DIP2C: variants seen among roughly 807,000 people sequenced by gnomAD.
The protein encoded by DIP2C is disco-interacting protein 2 homolog C.
Under a neutral mutation model 192.4 loss-of-function variants are expected in DIP2C, and 33 were observed. The observed-to-expected ratio is 0.17, with a 90% confidence interval of 0.13 to 0.23. DIP2C has a LOEUF of 0.23. Ranked by LOEUF, DIP2C falls within the 10% of genes least tolerant of loss-of-function variation. DIP2C has a pLI of 1.00. For synonymous variants in DIP2C, 979 were observed against 864.1 expected (o/e 1.13, Z -2.33); for missense variants, 1,537 against 2,110.1 (o/e 0.73, Z 5.32).
At chr10:591,104 G>C (rs1220935403) in intron 1 of DIP2C, among the ~76,000 whole-genome samples, 1 of 150,640 alleles carries the variant, frequency 6.6e-6, no homozygotes, top group African/African-American at 2.5e-5. Context: ...ATAACAGTCA[G>C]GTTTCCATTA....
chr10:414,585 C>T (rs536469985), intron 7 of DIP2C, among the ~76,000 whole-genome samples: 1 of 151,808 alleles, frequency 6.6e-6, no homozygotes, highest in South Asian at 2.1e-4. Flanking sequence ...TCACAGTTCC[C>T]TGCAGCCTCG....
chr10:440,974 C>G lies in DIP2C; in HGVS notation c.291G>C (p.Gln97His). Residue 97 changes from glutamine (Q) to histidine (H), a missense_variant, in exon 4 of 37, where the codon CAG (glutamine) becomes CAC (histidine). By Grantham distance (24) the Gln-to-His change is conservative. This residue lies in a region of DIP2C where 473 missense variants were observed against 539.6 expected (regional missense o/e 0.88). Coordinates refer to ENST00000280886, the MANE Select transcript of DIP2C (RefSeq NM_014974.3). ...GCTCTTTGTGTTTGGCCAGAGCCGC[C>G]TGGACAGCTTCCGTGTGGACGTCTG... is the stretch of plus-strand genomic sequence containing the variant. ...YRSDVHTEAV[Q>H]AALAKHKERK... 2 of 1,613,568 alleles carry G rather than the reference C, an allele frequency of 1.2e-6. No individual in the cohort carries two copies. The highest frequency in any genetic ancestry group is 2.2e-5 in the South Asian group (2 of 91,056).
At chr10:389,464 A>G (rs944923078) in intron 13 of DIP2C, among the ~76,000 whole-genome samples, 1 of 152,180 alleles carries the variant, frequency 6.6e-6, no homozygotes, top group Non-Finnish European at 1.5e-5. Context: ...ACGAGCACCA[A>G]TGCAGAGACT....
chr10:288,615 G>A (rs1386551637), intron 32 of DIP2C, among the ~76,000 whole-genome samples, 194 bp from the exon 33 acceptor site: 1 of 152,252 alleles, frequency 6.6e-6, no homozygotes, highest in Non-Finnish European at 1.5e-5. Context: ...GGGCCACAGA[G>A]AAGGCAGATG....
At chr10:287,690 GTCTT>G (rs900311935) in intron 33 of DIP2C, among the ~76,000 whole-genome samples, 7 of 142,820 alleles carry the variant, frequency 4.9e-5, no homozygotes, top group Non-Finnish European at 9.1e-5. Context: ...AAAAAAAAGA[GTCTT>G]TATTTAGGTG....
intron 1 of DIP2C, among the ~76,000 whole-genome samples, chr10:593,485 A>ACCCCC (rs10563749): frequency 0.012 from 769 of 64,200 alleles, 1 homozygote; most frequent in Non-Finnish European, 0.013. Flanking sequence ...CCCACGCGGG[A>ACCCCC]CCCCCCCCCC....
At chr10:639,512 T>C (rs2131930039) in intron 1 of DIP2C, among the ~76,000 whole-genome samples, 1 of 152,326 alleles carries the variant, frequency 6.6e-6, no homozygotes, top group Admixed American at 6.5e-5. Context: ...GCTGCCCGGC[T>C]CTCAGTATCA....
At chr10:297,269 CA>C (rs1955806124) in intron 32 of DIP2C, among the ~76,000 whole-genome samples, 1 of 149,118 alleles carries the variant, frequency 6.7e-6, no homozygotes, top group African/African-American at 2.5e-5. Context: ...CACACACACA[CA>C]CACACCAAAC....
Position 613,885 on chromosome 10 carries a change from G to T in DIP2C, c.85+75609C>A, listed in dbSNP as rs183968361. On this transcript the variant is annotated intron_variant, in intron 1 of 36. Transcript: ENST00000280886. ...CCCTCCTGATCTCGGCCATCTGATG[G>T]CATCACTCCCCACAGCTGGAAACAC... 8.4e-4 allele frequency among the ~76,000 whole-genome samples: 128 copies of T among 152,040 alleles called. 1 individual carries two copies. Among genetic ancestry groups the T allele is most frequent in the Admixed American group, 8.1e-3 (123 of 15,276 alleles).
At chr10:467,534 A>ACTT (rs1970310519) in intron 3 of DIP2C, among the ~76,000 whole-genome samples, 1 of 119,976 alleles carries the variant, frequency 8.3e-6, no homozygotes, top group East Asian at 2.3e-4. Flanking sequence ...AGTATAAAAA[A>ACTT]AAAATAAATA....
chr10:505,783 T>C (rs763392833), intron 1 of DIP2C, among the ~76,000 whole-genome samples: 4 of 151,886 alleles, frequency 2.6e-5, no homozygotes, highest in Non-Finnish European at 4.4e-5. Flanking sequence ...CCAGCTGTGC[T>C]TCCTGTGGGT....
chr10:482,413 C>T (rs994751770), intron 2 of DIP2C, among the ~76,000 whole-genome samples: 1 of 152,168 alleles, frequency 6.6e-6, no homozygotes, highest in Non-Finnish European at 1.5e-5. Flanking sequence ...TGGGGCTTAA[C>T]TCACACTGAC....
intron 4 of DIP2C, among the ~76,000 whole-genome samples, chr10:436,895 CCTGAGCTCTCT>C (rs1967280358): frequency 6.8e-6 from 1 of 146,658 alleles, no homozygotes; most frequent in South Asian, 2.2e-4. Flanking sequence ...TCCGCCCACA[CCTGAGCTCTCT>C]CTGAGCTCCG....
intron 1 of DIP2C, among the ~76,000 whole-genome samples, chr10:567,119 T>C (rs1849506697): frequency 6.6e-6 from 1 of 152,140 alleles, no homozygotes; most frequent in African/African-American, 2.4e-5. Context: ...CCAGGGCCCA[T>C]CTCAGAGCTG....
intron 1 of DIP2C, among the ~76,000 whole-genome samples, chr10:597,486 C>A (rs773691907): frequency 2.6e-5 from 4 of 152,158 alleles, no homozygotes; most frequent in Non-Finnish European, 2.9e-5. Flanking sequence ...GAATGGAGAC[C>A]TGGTGAATGG....
At chr10:547,218 C>A (rs1848331631) in intron 1 of DIP2C, among the ~76,000 whole-genome samples, 1 of 152,204 alleles carries the variant, frequency 6.6e-6, no homozygotes. Flanking sequence ...CCAGGGAGCT[C>A]CCCCAGCCCC....
rs1217570469 is a variant in DIP2C at position 636,017 on chromosome 10, T to C, written c.85+53477A>G. Among the ~76,000 whole-genome samples, 2 of 152,198 alleles carry C rather than the reference T, an allele frequency of 1.3e-5. No homozygotes were observed. The highest frequency in any genetic ancestry group is 2.1e-4 in the South Asian group (1 of 4,822). On this transcript the variant is annotated intron_variant, in intron 1 of 36. Transcript: ENST00000280886. This position sits in a 1 kb window ranked among gnomAD's most constrained non-coding sequence, Gnocchi z 4.6. ...CAGATGCTGAGGCAGGCAGTGCTCA[T>C]CTCAAAACTGTACAAGTGGTTTCTT... is the stretch of plus-strand genomic sequence containing the variant.
At chr10:535,825 G>A (rs1266109546) in intron 1 of DIP2C, among the ~76,000 whole-genome samples, 2 of 152,132 alleles carry the variant, frequency 1.3e-5, no homozygotes, top group Admixed American at 1.3e-4. Context: ...ACGACACCTT[G>A]GGTCACATTT....
Position 366,398 on chromosome 10 carries a change from T to C in DIP2C, c.2145A>G (p.Ser715=). ...GLVMPGAIMC[S]VKPDGVPQLC... is the part of the protein sequence containing the mutation. Reference sequence around the variant, plus strand: ...GCTGAGGAACCCCGTCTGGCTTCACTGAACACATGATGGCTAAAAGCAAAC... The same window carrying C: ...GCTGAGGAACCCCGTCTGGCTTCACCGAACACATGATGGCTAAAAGCAAAC... The change falls in exon 19 of 37, where the codon TCA becomes TCG. Residue 715 remains serine, a synonymous_variant. Transcript: ENST00000280886. 6.2e-7 allele frequency: 1 copy of C among 1,614,178 alleles called. No homozygotes were observed. Among genetic ancestry groups the C allele is most frequent in the South Asian group, 1.1e-5 (1 of 91,076 alleles).
Sources: gnomAD v4.1 joint callset for allele counts (sites outside exome capture counted in the v4.1 genomes callset) on GRCh38, gnomAD v4.1.1 for gene constraint, gnomAD v4.1.1 regional missense constraint, Gnocchi (gnomAD v3.1) non-coding constraint, MANE v1.5 for transcripts, NCBI Gene and HGNC (gene_info 2026-07-23, HGNC 2026-07-21) for gene names.